Variants in MEIKIN observed in about 807,000 individuals in gnomAD.
The protein encoded by MEIKIN is meiosis-specific kinetochore protein.
intron 9 of MEIKIN, among the ~76,000 whole-genome samples, chr5:131,862,779 C>T (rs1750310144): frequency 6.6e-6 from 1 of 152,198 alleles, no homozygotes; most frequent in Non-Finnish European, 1.5e-5. Context: ...TCCCTGCAGC[C>T]TCAAACTTTT....
intron 5 of MEIKIN, among the ~76,000 whole-genome samples, chr5:131,923,846 A>G (rs868569696): frequency 1.1e-4 from 9 of 79,556 alleles, no homozygotes; most frequent in South Asian, 3.6e-4. Flanking sequence ...TAGAACACTT[A>G]ACATGAGATC....
intron 11 of MEIKIN, among the ~76,000 whole-genome samples, chr5:131,819,658 G>A (rs1280047848): frequency 6.7e-6 from 1 of 148,508 alleles, no homozygotes; most frequent in Admixed American, 6.7e-5. Flanking sequence ...GGAGTGCAGT[G>A]GTGTGATCTC....
At chr5:131,821,694 G>A (rs1749509920) in intron 11 of MEIKIN, among the ~76,000 whole-genome samples, 1 of 141,552 alleles carries the variant, frequency 7.1e-6, no homozygotes, top group South Asian at 2.3e-4. Flanking sequence ...TGCCCAGGGT[G>A]GAATGCAGTG....
chr5:131,929,963 T>C (rs1751659371), intron 5 of MEIKIN, among the ~76,000 whole-genome samples: 1 of 152,248 alleles, frequency 6.6e-6, no homozygotes, highest in Admixed American at 6.5e-5. Flanking sequence ...TCCACGTCTC[T>C]GCTATTGTGA....
intron 7 of MEIKIN, among the ~76,000 whole-genome samples, chr5:131,916,004 A>G (rs1307068362): frequency 6.6e-6 from 1 of 152,190 alleles, no homozygotes; most frequent in Non-Finnish European, 1.5e-5. Context: ...CAATATAAAT[A>G]AAACCCCGTC....
At chr5:131,915,546 G>C (rs1262184385) in intron 7 of MEIKIN, among the ~76,000 whole-genome samples, 2 of 152,066 alleles carry the variant, frequency 1.3e-5, no homozygotes, top group South Asian at 2.1e-4. Context: ...AGAGTACAAG[G>C]GTACTCTATT....
At chr5:131,808,567 A>G (rs1772890873) in intron 12 of MEIKIN, among the ~76,000 whole-genome samples, 1 of 152,104 alleles carries the variant, frequency 6.6e-6, no homozygotes, top group South Asian at 2.1e-4. Flanking sequence ...AAAATCCTAA[A>G]TCAGATCCCT....
chr5:131,813,811 T>A (rs1773049876), intron 12 of MEIKIN, among the ~76,000 whole-genome samples: 1 of 152,114 alleles, frequency 6.6e-6, no homozygotes, highest in Non-Finnish European at 1.5e-5. Context: ...TAGTCAGGGT[T>A]CTCTGAAGGA....
chr5:131,839,027 G>A (rs1196691541), intron 11 of MEIKIN, among the ~76,000 whole-genome samples: 1 of 152,080 alleles, frequency 6.6e-6, no homozygotes, highest in Non-Finnish European at 1.5e-5. Context: ...CCTTAGCCGT[G>A]TCCTAGAGAT....
At chr5:131,909,984 T>C (rs1751305886) in intron 8 of MEIKIN, among the ~76,000 whole-genome samples, 1 of 152,146 alleles carries the variant, frequency 6.6e-6, no homozygotes, top group African/African-American at 2.4e-5. Flanking sequence ...TGTACATTAA[T>C]ATAACCACTA....
At chr5:131,918,302 C>T (rs1424658411) in intron 6 of MEIKIN, among the ~76,000 whole-genome samples, 2 of 152,176 alleles carry the variant, frequency 1.3e-5, no homozygotes, top group African/African-American at 4.8e-5. Context: ...TTCAAGTACA[C>T]GTGGTAACAA....
chr5:131,936,502 T>C (rs1751779055), intron 4 of MEIKIN, among the ~76,000 whole-genome samples: 1 of 152,232 alleles, frequency 6.6e-6, no homozygotes, highest in South Asian at 2.1e-4. Context: ...TTTGCTACAA[T>C]TTCTTTTCCT....
At chr5:131,868,024 CATTTGGT>C (rs1750418275) in intron 9 of MEIKIN, among the ~76,000 whole-genome samples, 1 of 152,216 alleles carries the variant, frequency 6.6e-6, no homozygotes, top group East Asian at 1.9e-4. Flanking sequence ...CATCCTCCAG[CATTTGGT>C]GTTGTCAGTG....
chr5:131,838,758 C>T (rs1215205457), intron 11 of MEIKIN, among the ~76,000 whole-genome samples: 1 of 151,976 alleles, frequency 6.6e-6, no homozygotes, highest in East Asian at 1.9e-4. Flanking sequence ...CTTTATTAGT[C>T]TAGCTAGCAG....
chr5:131,919,976 G>A (rs935893939), intron 6 of MEIKIN, among the ~76,000 whole-genome samples: 7 of 152,234 alleles, frequency 4.6e-5, no homozygotes, highest in Non-Finnish European at 8.8e-5. Context: ...CATATTACAA[G>A]TGAATAACTT....
chr5:131,839,337 G>A (rs1017395860), intron 11 of MEIKIN, among the ~76,000 whole-genome samples: 4 of 152,082 alleles, frequency 2.6e-5, no homozygotes, highest in Admixed American at 2.6e-4. Context: ...TGTTGTTTTG[G>A]GGTGGAGTGT....
chr5:131,830,815 G>A (rs1009002000), intron 11 of MEIKIN, among the ~76,000 whole-genome samples: 99 of 152,080 alleles, frequency 6.5e-4, no homozygotes, highest in African/African-American at 2.3e-3. Flanking sequence ...TTCTTGGGTG[G>A]AAGCCCAAGA....
At chr5:131,811,073 G>A (rs977339335) in intron 12 of MEIKIN, among the ~76,000 whole-genome samples, 1 of 152,168 alleles carries the variant, frequency 6.6e-6, no homozygotes, top group African/African-American at 2.4e-5. Context: ...CAGCTGTTAC[G>A]GTGAGAGCCT....
At chr5:131,834,216 A>C (rs186668707) in intron 11 of MEIKIN, among the ~76,000 whole-genome samples, 2 of 152,322 alleles carry the variant, frequency 1.3e-5, no homozygotes, top group Admixed American at 1.3e-4. Context: ...TCTCAGGTAT[A>C]ATTGACAAAT....
Sources: gnomAD v4.1 joint callset for allele counts (sites outside exome capture counted in the v4.1 genomes callset) on GRCh38, gnomAD v4.1.1 for gene constraint, MANE v1.5 for transcripts, NCBI Gene and HGNC (gene_info 2026-07-23, HGNC 2026-07-21) for gene names.